The following ZNF236 variants were observed in gnomAD, a reference collection of about 807,000 sequenced individuals.
ZNF236 encodes zinc finger protein 236.
A neutral mutation model predicts 191.2 loss-of-function variants in ZNF236; 50 were observed. That is an observed-to-expected ratio of 0.26 (90% CI 0.21 to 0.33). The LOEUF is 0.33. Among genes scored for constraint, ZNF236 ranks in the 10% least tolerant of loss-of-function variants. ZNF236 has a pLI of 1.00. For synonymous variants in ZNF236, 907 were observed against 928.8 expected (o/e 0.98, Z 0.43); for missense variants, 1,754 against 2,374.5 (o/e 0.74, Z 5.43).
At chr18:76,933,307 A>G (rs1391225838) in intron 25 of ZNF236, among the ~76,000 whole-genome samples, 1 of 152,090 alleles carries the variant, frequency 6.6e-6, no homozygotes, top group Admixed American at 6.6e-5. Context: ...CGTCTCCATT[A>G]AAAATACAAC....
At chr18:76,865,104 A>T (rs1484324386) in intron 3 of ZNF236, among the ~76,000 whole-genome samples, 1 of 152,210 alleles carries the variant, frequency 6.6e-6, no homozygotes, top group African/African-American at 2.4e-5. Flanking sequence ...TGGGAGGCCG[A>T]GGCGGGCAGA....
At chr18:76,893,389 T>TC (rs1343774713) in intron 9 of ZNF236, among the ~76,000 whole-genome samples, 2 of 152,232 alleles carry the variant, frequency 1.3e-5, no homozygotes, top group Non-Finnish European at 2.9e-5. Context: ...ACCAGTTCCC[T>TC]TATTTCCTTC....
chr18:76,904,338 G>C (rs776757788), intron 11 of ZNF236, 42 bp from the exon 12 acceptor site: 1 of 1,565,304 alleles, frequency 6.4e-7, no homozygotes, highest in Admixed American at 1.9e-5. Context: ...TGTATTACTA[G>C]CATTGACAGT....
intron 27 of ZNF236, among the ~76,000 whole-genome samples, chr18:76,948,479 C>T (rs558455597): frequency 6.6e-6 from 1 of 152,188 alleles, no homozygotes. Context: ...TGACGATTCA[C>T]TACAAGGTCT....
chr18:76,836,988 G>A (rs1358252473), intron 1 of ZNF236, among the ~76,000 whole-genome samples: 1 of 152,048 alleles, frequency 6.6e-6, no homozygotes, highest in Non-Finnish European at 1.5e-5. Context: ...CAATTCTCGT[G>A]CCTCAGCCTC....
chr18:76,953,882 CCTT>C lies in ZNF236; in HGVS notation c.4915-2100_4915-2098del, dbSNP rs905884565. Among the ~76,000 whole-genome samples the C allele has an allele frequency of 3.6e-4, 55 of 152,314 alleles. 1 individual carries two copies. Among genetic ancestry groups the C allele is most frequent in the African/African-American group, 1.3e-3 (54 of 41,566 alleles). On this transcript the variant is annotated intron_variant, in intron 27 of 30. Transcript: ENST00000320610. ...AGGTGGATGGAGAGGCCGCTTTCCT[CCTT>C]CTGCTTTCCAACAGCCACACTCCTC...
intron 1 of ZNF236, among the ~76,000 whole-genome samples, chr18:76,831,159 T>G (rs1372860932): frequency 6.6e-6 from 1 of 152,234 alleles, no homozygotes; most frequent in Non-Finnish European, 1.5e-5. Flanking sequence ...AAATGCATAT[T>G]TGCCGTATAG....
intron 1 of ZNF236, chr18:76,824,219 A>G: frequency 1.4e-6 from 1 of 734,154 alleles, no homozygotes; most frequent in Non-Finnish European, 2.5e-6. Flanking sequence ...GGTAATGGGT[A>G]GGAATCAATG....
rs186151795 is a variant in ZNF236, at chr18:76,875,800, A to C, written c.840+136A>C. On this transcript the variant is annotated intron_variant, in intron 6 of 30. Transcript: ENST00000320610. This position sits in a 1 kb window ranked among gnomAD's most constrained non-coding sequence, Gnocchi z 4.3. ...TTTTGTGCCGAGCAGACCCTGTTTT[A>C]AAAAATACATACGTGGGAATTTTTT... 2.1e-6 allele frequency: 2 copies of C among 954,996 alleles called. No homozygotes were observed. Among genetic ancestry groups the C allele is most frequent in the African/African-American group, 3.4e-5 (2 of 59,368 alleles). The allele number at this position is 954,996 out of a possible 1,614,324, so 59.2% of individuals were successfully genotyped here.
At chr18:76,959,212 G>C (rs979294851) in intron 28 of ZNF236, among the ~76,000 whole-genome samples, 1 of 152,200 alleles carries the variant, frequency 6.6e-6, no homozygotes, top group Admixed American at 6.5e-5. Context: ...GTGGGTGAGA[G>C]TCACTGAACG....
intron 10 of ZNF236, among the ~76,000 whole-genome samples, chr18:76,896,193 G>T (rs1326274556): frequency 6.6e-6 from 1 of 151,806 alleles, no homozygotes; most frequent in Non-Finnish European, 1.5e-5. Context: ...ACCAAACACA[G>T]GTACTACACA....
In ZNF236 at chr18:76,822,662, G is replaced by T; in HGVS notation, c.55G>T (p.Asp19Tyr). 1 of 147,744 alleles carries T rather than the reference G, an allele frequency of 6.8e-6. No individual in the cohort carries two copies. The highest frequency in any genetic ancestry group is 1.8e-4 in the South Asian group (1 of 5,578). 9.2% of individuals were successfully genotyped at this position (147,744 alleles called of 1,614,324 possible). Reference protein sequence around the residue: ...PRESKARGDSDGVLTLNAENT... With the variant: ...PRESKARGDSYGVLTLNAENT... The stretch of plus-strand genomic sequence containing the variant: ...GGAGAGCAAGGCGCGCGGCGACTCC[G>T]GTAAGGCCCGCGGCCGCGCCCTCGC... The change falls in exon 1 of 31, where the codon GAT becomes TAT. Residue 19 changes from aspartate to tyrosine, a missense_variant and splice_region_variant. Asp to Tyr is a radical substitution (Grantham distance 160). This residue lies in a region of ZNF236 where 336 missense variants were observed against 495.1 expected (regional missense o/e 0.68). Transcript: ENST00000320610.
intron 9 of ZNF236, among the ~76,000 whole-genome samples, chr18:76,883,362 CTTT>C (rs10581368): frequency 0.39 from 36,285 of 93,376 alleles, 5,848 homozygotes; most frequent in South Asian, 0.47. Context: ...GGAGCCAGTG[CTTT>C]TTTTTTTTTT....
intron 1 of ZNF236, among the ~76,000 whole-genome samples, chr18:76,836,841 T>G (rs1026874922): frequency 1.2e-4 from 19 of 152,022 alleles, no homozygotes; most frequent in Non-Finnish European, 2.1e-4. Context: ...CCTCCCAAAG[T>G]GCGGGGATTA....
intron 1 of ZNF236, among the ~76,000 whole-genome samples, chr18:76,835,881 A>G (rs1599313716): frequency 6.6e-6 from 1 of 151,440 alleles, no homozygotes. Context: ...TGTCATTTAT[A>G]CCTCTCCATC....
rs755958459 is a variant in ZNF236, at chr18:76,913,847, C to T, written c.3010C>T (p.Arg1004Cys). Residue 1004 changes from arginine to cysteine, a missense_variant, in exon 18 of 31, where the codon CGC (arginine) becomes TGC (cysteine). Arg to Cys is a radical substitution (Grantham distance 180, BLOSUM62 -3). Transcript: ENST00000320610. ...EKPYKCKLCG[R>C]GFVSSGVLKS... ...GCCCTACAAGTGCAAGCTCTGTGGA[C>T]GCGGCTTTGTTTCCTCTGGGGTCCT... 7 of 1,614,220 alleles carry T rather than the reference C, an allele frequency of 4.3e-6. No individual in the cohort carries two copies. Among genetic ancestry groups the T allele is most frequent in the East Asian group, 2.2e-5 (1 of 44,894 alleles).
intron 3 of ZNF236, among the ~76,000 whole-genome samples, chr18:76,853,945 G>A (rs1975960743): frequency 6.6e-6 from 1 of 151,882 alleles, no homozygotes. Flanking sequence ...AGGAGGTGGA[G>A]GTTGCAATGA....
intron 1 of ZNF236, among the ~76,000 whole-genome samples, chr18:76,843,803 A>G (rs8092585): frequency 0.11 from 6,549 of 61,914 alleles, 1,367 homozygotes; most frequent in Middle Eastern, 0.3. Context: ...AAAAAAAAAA[A>G]AAGTAAAGAA....
At chr18:76,855,628 A>C (rs1037941523) in intron 3 of ZNF236, among the ~76,000 whole-genome samples, 1 of 152,236 alleles carries the variant, frequency 6.6e-6, no homozygotes, top group African/African-American at 2.4e-5. Context: ...GCTGTTAGGC[A>C]TATAGGTTGT....
Sources: allele counts gnomAD v4.1 joint callset (sites outside exome capture counted in the v4.1 genomes callset), GRCh38; gene constraint gnomAD v4.1.1; regional missense constraint gnomAD v4.1.1; non-coding constraint Gnocchi (gnomAD v3.1); transcripts MANE v1.5; gene names NCBI Gene and HGNC (gene_info 2026-07-23, HGNC 2026-07-21).